Variants in BBX observed in about 807,000 individuals in gnomAD.
BBX encodes the protein BBX high mobility group box domain containing.
A neutral mutation model predicts 100.2 loss-of-function variants in BBX; 30 were observed. The observed-to-expected ratio is 0.30, with a 90% CI of 0.22 to 0.41. The LOEUF (loss-of-function observed/expected upper bound fraction) is 0.41, where lower values mean the gene tolerates loss of function less well. Ranked by LOEUF, BBX falls within the 10% of genes least tolerant of loss-of-function variation. BBX has a pLI of 1.00. For synonymous variants in BBX, 376 were observed against 388.1 expected (o/e 0.97, Z 0.37); for missense variants, 1,023 against 1,129.8 (o/e 0.91, Z 1.35).
At chr3:107,668,448 C>T (rs1197297800) in intron 3 of BBX, among the ~76,000 whole-genome samples, 1 of 152,164 alleles carries the variant, frequency 6.6e-6, no homozygotes, top group Non-Finnish European at 1.5e-5. Flanking sequence ...ATGTGTGTTT[C>T]TTATAATCAG....
chr3:107,743,086 A>T (rs1047867946), intron 7 of BBX, among the ~76,000 whole-genome samples: 2 of 152,180 alleles, frequency 1.3e-5, no homozygotes, highest in African/African-American at 2.4e-5. Flanking sequence ...AATACGTTTA[A>T]TTCCAAATAT....
chr3:107,525,066 A>C (rs2047655821), intron 1 of BBX, among the ~76,000 whole-genome samples: 22 of 144,814 alleles, frequency 1.5e-4, no homozygotes, highest in South Asian at 1.2e-3. Flanking sequence ...GGGGGCCCCC[A>C]CGCGGCCCCC....
chr3:107,604,849 T>C (rs1164301252), intron 2 of BBX, among the ~76,000 whole-genome samples: 3 of 145,734 alleles, frequency 2.1e-5, no homozygotes, highest in Non-Finnish European at 3.0e-5. Context: ...ACATCCAAAC[T>C]GAATGCCAGA....
chr3:107,713,526 C>T (rs931345154), intron 4 of BBX, among the ~76,000 whole-genome samples: 6 of 152,002 alleles, frequency 3.9e-5, no homozygotes, highest in Admixed American at 1.3e-4. Flanking sequence ...ACTCTAAGAG[C>T]GTTTTTATTT....
chr3:107,626,516 C>G (rs2056187222), intron 2 of BBX, among the ~76,000 whole-genome samples: 1 of 152,150 alleles, frequency 6.6e-6, no homozygotes, highest in African/African-American at 2.4e-5. Flanking sequence ...AAGATGGTGG[C>G]TTAGGCTCTA....
chr3:107,706,358 A>T (rs1408485107), intron 3 of BBX, among the ~76,000 whole-genome samples: 4 of 151,940 alleles, frequency 2.6e-5, no homozygotes, highest in Non-Finnish European at 5.9e-5. Context: ...ATTAAATGAA[A>T]TTTTTCCTAA....
intron 2 of BBX, among the ~76,000 whole-genome samples, chr3:107,570,156 G>A (rs2051241846): frequency 1.3e-5 from 2 of 152,240 alleles, no homozygotes; most frequent in Non-Finnish European, 2.9e-5. Context: ...CGGTTCAGGC[G>A]TTATGAAGTT....
intron 2 of BBX, among the ~76,000 whole-genome samples, chr3:107,558,501 A>G (rs1016610938): frequency 2.0e-5 from 3 of 151,484 alleles, no homozygotes; most frequent in Non-Finnish European, 4.4e-5. Flanking sequence ...AACAACAAAA[A>G]ACAGGGGGCT....
chr3:107,559,560 A>G (rs1267917477), intron 2 of BBX, among the ~76,000 whole-genome samples: 1 of 152,200 alleles, frequency 6.6e-6, no homozygotes, highest in African/African-American at 2.4e-5. Flanking sequence ...GCAGTTAGGC[A>G]AGAGGCATCC....
intron 3 of BBX, among the ~76,000 whole-genome samples, chr3:107,652,188 G>A (rs979449367): frequency 2.8e-3 from 12 of 4,320 alleles, no homozygotes; most frequent in Middle Eastern, 0.1. Context: ...AGGCTCAAAT[G>A]AACTTTGTTT....
At chr3:107,534,392 A>T (rs1046287625) in intron 2 of BBX, among the ~76,000 whole-genome samples, 2 of 152,170 alleles carry the variant, frequency 1.3e-5, no homozygotes, top group African/African-American at 4.8e-5. Context: ...TCCAGCTGTC[A>T]GACTTTGATT....
rs141444090 is a variant in BBX, at chr3:107,716,780, G to C, written c.336G>C (p.Lys112Asn). The part of the protein sequence containing the change: ...HPRLDNRGAT[K>N]ILADWWAVLD... ...GGCTTGATAACCGAGGTGCTACCAA[G>C]ATACTAGCTGATTGGTGGGCTGTTC... Residue 112 changes from lysine to asparagine, a missense_variant, in exon 5 of 18, where the codon AAG (lysine) becomes AAC (asparagine). Transcript: ENST00000325805. 6.2e-7 allele frequency: 1 copy of C among 1,613,728 alleles called. No homozygotes were observed. The highest frequency in any genetic ancestry group is 8.5e-7 in the Non-Finnish European group (1 of 1,179,712).
At chr3:107,626,808 C>T (rs1055342258) in intron 2 of BBX, among the ~76,000 whole-genome samples, 1 of 152,060 alleles carries the variant, frequency 6.6e-6, no homozygotes, top group South Asian at 2.1e-4. Context: ...GCACCCACCA[C>T]CACGGCTGAC....
At chr3:107,727,210 G>A (rs998323301) in intron 5 of BBX, among the ~76,000 whole-genome samples, 2 of 152,048 alleles carry the variant, frequency 1.3e-5, no homozygotes, top group African/African-American at 4.8e-5. Context: ...CTGTTCATCT[G>A]ACAAACCCGG....
At chr3:107,605,028 T>C (rs1208744655) in intron 2 of BBX, among the ~76,000 whole-genome samples, 8 of 152,252 alleles carry the variant, frequency 5.3e-5, no homozygotes, top group African/African-American at 1.9e-4. Flanking sequence ...CGTAGCTTAT[T>C]TTAATGTTTG....
At chr3:107,655,711 T>A (rs1049837100) in intron 3 of BBX, among the ~76,000 whole-genome samples, 16 of 151,196 alleles carry the variant, frequency 1.1e-4, no homozygotes, top group East Asian at 5.8e-4. Context: ...TTTATTTTTT[T>A]TTTTTTTGAG....
chr3:107,570,062 G>T (rs989443549), intron 2 of BBX, among the ~76,000 whole-genome samples: 2 of 152,208 alleles, frequency 1.3e-5, no homozygotes, highest in African/African-American at 2.4e-5. Context: ...CGGGCTGCAG[G>T]CATTCCTTGG....
At chr3:107,717,275 A>T (rs2062173377) in intron 5 of BBX, among the ~76,000 whole-genome samples, 1 of 152,082 alleles carries the variant, frequency 6.6e-6, no homozygotes, top group Admixed American at 6.6e-5. Flanking sequence ...GGTAAAGTTG[A>T]CAATCTTAGG....
intron 3 of BBX, among the ~76,000 whole-genome samples, chr3:107,665,644 C>A (rs1410007981): frequency 6.6e-6 from 1 of 152,120 alleles, no homozygotes; most frequent in Non-Finnish European, 1.5e-5. Context: ...CCTTTGGCTT[C>A]CCGATTTCAT....
Sources: gnomAD v4.1 joint callset for allele counts (sites outside exome capture counted in the v4.1 genomes callset) on GRCh38, gnomAD v4.1.1 for gene constraint, MANE v1.5 for transcripts, NCBI Gene and HGNC (gene_info 2026-07-23, HGNC 2026-07-21) for gene names.